MRPS6: variants seen among roughly 807,000 people sequenced by gnomAD.
MRPS6 encodes mitochondrial ribosomal protein S6, also known as small ribosomal subunit protein bS6m.
A neutral mutation model predicts 13.1 loss-of-function variants in MRPS6; 6 were observed. That is an observed-to-expected ratio of 0.46 (90% confidence interval 0.25 to 0.91). The LOEUF is 0.91. Among genes scored for constraint, MRPS6 ranks in the 40% least tolerant of loss-of-function variants. The pLI is 0.18. For missense variants in MRPS6, 164 were observed against 155.6 expected, an observed-to-expected ratio of 1.05 and a Z score of -0.29; for synonymous variants, 61 against 56.5, an observed-to-expected ratio of 1.08 and a Z score of -0.36.
intron 1 of MRPS6, among the ~76,000 whole-genome samples, chr21:34,078,453 G>A (rs555657098): frequency 1.3e-5 from 2 of 152,216 alleles, no homozygotes; most frequent in South Asian, 2.1e-4. Context: ...TATGAAGACT[G>A]CTTGTCAGAA....
In MRPS6 at chr21:34,107,873, C is replaced by T. The variant is rs569941484; in HGVS notation, c.46-17468C>T. Among the ~76,000 whole-genome samples the T allele has an allele frequency of 4.6e-5, 7 of 152,294 alleles. No homozygotes were observed. The East Asian group carries it at 1.3e-3, about 29-fold the overall frequency. On this transcript the variant is annotated intron_variant, in intron 1 of 2. Coordinates refer to ENST00000399312, the MANE Select transcript of MRPS6 (RefSeq NM_032476.4). ...TGTTCTGGATGCACTGTGTCATTTCCCTGCCTCAGTCTGGGGATTGGGCAT... is the reference window on the plus strand; with the variant it reads ...TGTTCTGGATGCACTGTGTCATTTCTCTGCCTCAGTCTGGGGATTGGGCAT...
At chr21:34,132,039 AAG>A (rs1403276600) in intron 2 of MRPS6, among the ~76,000 whole-genome samples, 2 of 152,222 alleles carry the variant, frequency 1.3e-5, no homozygotes, top group African/African-American at 4.8e-5. Flanking sequence ...GGAATTGGTG[AAG>A]GTCATTCCTG....
Position 34,096,632 on chromosome 21 carries a change from T to A in MRPS6, c.45+22887T>A. 3 of 1,614,168 alleles carry A rather than the reference T, an allele frequency of 1.9e-6. No individual in the cohort carries two copies. The highest frequency in any genetic ancestry group is 2.5e-6 in the Non-Finnish European group (3 of 1,179,990). On this transcript the variant is annotated intron_variant, in intron 1 of 2. Transcript: ENST00000399312. The surrounding 1 kb of genome is among the most constrained non-coding windows in gnomAD (Gnocchi z 5.9). ...CTTTCTATGGTGGAATGGCTGGCTT[T>A]GTTCTTGGAGCAGTCCGTTTGATAC...
At chr21:34,142,169 C>T (rs1001155561) in intron 2 of MRPS6, among the ~76,000 whole-genome samples, 1 of 152,170 alleles carries the variant, frequency 6.6e-6, no homozygotes, top group African/African-American at 2.4e-5. Context: ...GGTTTGGATT[C>T]ATATTTTCAC....
intron 2 of MRPS6, among the ~76,000 whole-genome samples, chr21:34,139,161 G>A (rs1158070446): frequency 8.0e-6 from 1 of 125,720 alleles, no homozygotes; most frequent in East Asian, 2.5e-4. Context: ...ACTGGAAGGG[G>A]AACATCACAC....
chr21:34,086,646 T>C (rs1978398521), intron 1 of MRPS6, among the ~76,000 whole-genome samples: 2 of 152,148 alleles, frequency 1.3e-5, no homozygotes, highest in Non-Finnish European at 2.9e-5. Flanking sequence ...ATGTCCTCAG[T>C]TTTCTCATTT....
At chr21:34,082,098 A>G (rs1332087224) in intron 1 of MRPS6, among the ~76,000 whole-genome samples, 1 of 151,334 alleles carries the variant, frequency 6.6e-6, no homozygotes, top group Non-Finnish European at 1.5e-5. Flanking sequence ...ATACTTAGGT[A>G]CCATGGATCA....
In MRPS6 at chr21:34,092,240, G is replaced by T. The variant is rs73363303; in HGVS notation, c.45+18495G>T. ...TGTGACTAGAGTGTAAAATATAGCT[G>T]CATTGCATTATAGTATTTTATATAT... On this transcript the variant is annotated intron_variant, in intron 1 of 2. Coordinates refer to ENST00000399312, the MANE Select transcript of MRPS6 (RefSeq NM_032476.4). 2.4e-3 allele frequency among the ~76,000 whole-genome samples: 370 copies of T among 152,276 alleles called. 2 individuals are homozygous for T. The highest frequency in any genetic ancestry group is 8.4e-3 in the African/African-American group (349 of 41,562).
intron 1 of MRPS6, among the ~76,000 whole-genome samples, chr21:34,081,002 G>A (rs1989446765): frequency 6.6e-6 from 1 of 152,184 alleles, no homozygotes; most frequent in Non-Finnish European, 1.5e-5. Context: ...GTGAGCTGAT[G>A]AAATGAGTGC....
At position 34,086,513 on chromosome 21, in the gene MRPS6, GTGTT is replaced by G. The variant is rs61495135; in HGVS notation, c.45+12772_45+12775del. 6.0e-3 allele frequency among the ~76,000 whole-genome samples: 479 copies of G among 79,688 alleles called. 3 individuals carry two copies. The highest frequency in any genetic ancestry group is 0.019 in the African/African-American group (449 of 23,260). The allele number at this position is 79,688 out of a possible 152,430, so 52.3% of individuals were successfully genotyped here. On this transcript the variant is annotated intron_variant, in intron 1 of 2. Transcript: ENST00000399312. The stretch of plus-strand genomic sequence containing the variant: ...TCTGACTTGTGTTTATTTCTAGTTT[GTGTT>G]TGTGTGTGTGTGTGTGTGTGTGTGT...
In MRPS6 at chr21:34,123,722, A is replaced by G. The variant is rs1980203868; in HGVS notation, c.46-1619A>G. ...TTGCCCATGTGTTTTCTCCTAAAAC[A>G]CGTTGCTCAAGTTGCTTGTCCCTGG... On this transcript the variant is annotated intron_variant, in intron 1 of 2. Coordinates refer to ENST00000399312, the MANE Select transcript of MRPS6 (RefSeq NM_032476.4). 2.6e-5 allele frequency: 4 copies of G among 152,120 alleles called. No homozygotes were observed. The South Asian group carries it at 8.3e-4, about 31-fold the overall frequency. 9.4% of individuals were successfully genotyped at this position (152,120 alleles called of 1,614,324 possible).
chr21:34,119,308 A>C (rs1356432010), intron 1 of MRPS6, among the ~76,000 whole-genome samples: 1 of 152,200 alleles, frequency 6.6e-6, no homozygotes, highest in Non-Finnish European at 1.5e-5. Flanking sequence ...ACTTTCCATG[A>C]CACCCATTTG....
At chr21:34,114,649 A>G (rs1427460822) in intron 1 of MRPS6, among the ~76,000 whole-genome samples, 1 of 152,208 alleles carries the variant, frequency 6.6e-6, no homozygotes. Flanking sequence ...GACTTACCCA[A>G]ATCATGAAAG....
chr21:34,078,228 C>G (rs185879382), intron 1 of MRPS6, among the ~76,000 whole-genome samples: 144 of 152,158 alleles, frequency 9.5e-4, no homozygotes, highest in African/African-American at 3.1e-3. Context: ...TGCTTGAAAC[C>G]AGGCAACTTA....
chr21:34,104,095 C>T (rs1979368707), intron 1 of MRPS6: 2 of 999,606 alleles, frequency 2.0e-6, no homozygotes, highest in South Asian at 4.7e-5. Flanking sequence ...TTTTTGTGTA[C>T]GTTTGTATGT....
intron 1 of MRPS6, among the ~76,000 whole-genome samples, chr21:34,107,384 A>G (rs955134519): frequency 1.3e-5 from 2 of 152,226 alleles, no homozygotes; most frequent in African/African-American, 4.8e-5. Context: ...TCACATTAGG[A>G]GGCATTGGAT....
intron 2 of MRPS6, chr21:34,135,894 A>G (rs999169169): frequency 1.9e-6 from 1 of 514,022 alleles, no homozygotes; most frequent in Non-Finnish European, 3.6e-6. Flanking sequence ...AAGGCCCTGC[A>G]TTGTGAGGCA....
intron 1 of MRPS6, chr21:34,103,608 T>C: frequency 1.0e-6 from 1 of 1,000,094 alleles, no homozygotes; most frequent in Non-Finnish European, 1.2e-6. Flanking sequence ...TACCCACACA[T>C]AGAAAGCACA....
intron 2 of MRPS6, among the ~76,000 whole-genome samples, chr21:34,137,475 T>C (rs1342183735): frequency 6.6e-6 from 1 of 152,216 alleles, no homozygotes; most frequent in African/African-American, 2.4e-5. Context: ...CCTGCTAAAC[T>C]CATTAGTTCT....
Sources: gnomAD v4.1 joint callset for allele counts (sites outside exome capture counted in the v4.1 genomes callset) on GRCh38, gnomAD v4.1.1 for gene constraint, Gnocchi (gnomAD v3.1) non-coding constraint, MANE v1.5 for transcripts, NCBI Gene and HGNC (gene_info 2026-07-23, HGNC 2026-07-21) for gene names.